L3MBTL4: variants seen among roughly 807,000 people sequenced by gnomAD.
L3MBTL4 encodes the protein lethal(3)malignant brain tumor-like protein 4.
A neutral mutation model predicts 84.5 loss-of-function variants in L3MBTL4; 70 were observed. That is an observed-to-expected ratio of 0.83 (90% CI 0.68 to 1.01). The LOEUF is 1.01. L3MBTL4 is among the 50% of genes least tolerant of loss of function. L3MBTL4 has a pLI of 0.00. For synonymous variants in L3MBTL4, 274 were observed against 259.8 expected, an observed-to-expected ratio of 1.05 and a Z score of -0.52; for missense variants, 715 against 754.8, an observed-to-expected ratio of 0.95 and a Z score of 0.62.
At chr18:6,000,193 A>T (rs193176508) in intron 16 of L3MBTL4, among the ~76,000 whole-genome samples, 141 of 152,362 alleles carry the variant, frequency 9.3e-4, no homozygotes, top group African/African-American at 3.3e-3. Context: ...TTAAATTTTT[A>T]AAATGTATCC....
intron 16 of L3MBTL4, among the ~76,000 whole-genome samples, chr18:6,079,602 T>C (rs1568081420): frequency 6.6e-6 from 1 of 152,372 alleles, no homozygotes; most frequent in East Asian, 1.9e-4. Context: ...TTACTACATT[T>C]ATGATATGAA....
At chr18:6,284,371 C>T (rs1169679800) in intron 4 of L3MBTL4, among the ~76,000 whole-genome samples, 1 of 152,174 alleles carries the variant, frequency 6.6e-6, no homozygotes, top group Non-Finnish European at 1.5e-5. Context: ...CATGTCAGAC[C>T]CACCCGGGCG....
At chr18:6,078,426 CAAAAAAAAAAAACAAAA>C (rs2057939643) in intron 16 of L3MBTL4, among the ~76,000 whole-genome samples, 2 of 34,878 alleles carry the variant, frequency 5.7e-5, no homozygotes, top group Non-Finnish European at 1.2e-4. Flanking sequence ...GAGTCCACCT[CAAAAAAAAAAAACAAAA>C]AAAAAAAAAA....
intron 13 of L3MBTL4, among the ~76,000 whole-genome samples, chr18:6,144,196 C>CAAAAAAA (rs35746580): frequency 0.014 from 824 of 57,970 alleles, 60 homozygotes; most frequent in African/African-American, 0.044. Context: ...ACTCCATCTC[C>CAAAAAAA]AAAAAAAAAA....
At chr18:6,256,349 A>G (rs879679986) in intron 5 of L3MBTL4, among the ~76,000 whole-genome samples, 1 of 152,122 alleles carries the variant, frequency 6.6e-6, no homozygotes, top group Non-Finnish European at 1.5e-5. Context: ...ATTTCAAGTA[A>G]GGAAGACAAA....
At chr18:6,228,307 G>T (rs1045757255) in intron 10 of L3MBTL4, among the ~76,000 whole-genome samples, 1 of 151,930 alleles carries the variant, frequency 6.6e-6, no homozygotes, top group South Asian at 2.1e-4. Flanking sequence ...AACTTCACTA[G>T]AATAAAAGAA....
At chr18:6,368,712 C>G (rs796595921) in intron 1 of L3MBTL4, among the ~76,000 whole-genome samples, 3 of 152,248 alleles carry the variant, frequency 2.0e-5, no homozygotes, top group African/African-American at 7.2e-5. Context: ...AAGCAACTGG[C>G]AAACAGTGCT....
In L3MBTL4 at chr18:5,975,007, G is replaced by C. The variant is rs529685468; in HGVS notation, c.1445-5445C>G. 2.2e-4 allele frequency among the ~76,000 whole-genome samples: 33 copies of C among 152,010 alleles called. No individual in the cohort carries two copies. In the South Asian group the frequency reaches 6.7e-3, roughly 31 times the overall value. The stretch of plus-strand genomic sequence containing the variant: ...TTAAAAAGAGGAAGAATATTTTTTA[G>C]AAACTAAAGGATTTAATTTTGTCTG... On this transcript the variant is annotated intron_variant, in intron 16 of 18. Coordinates refer to ENST00000317931, the MANE Select transcript of L3MBTL4 (RefSeq NM_001330559.2).
intron 16 of L3MBTL4, among the ~76,000 whole-genome samples, chr18:5,998,485 T>C (rs2054076838): frequency 6.6e-6 from 1 of 152,144 alleles, no homozygotes; most frequent in Non-Finnish European, 1.5e-5. Context: ...GTCTGCTTGC[T>C]CAGGCTGAGG....
chr18:6,191,144 T>C (rs940254250), intron 12 of L3MBTL4, among the ~76,000 whole-genome samples: 22 of 152,316 alleles, frequency 1.4e-4, no homozygotes, highest in African/African-American at 5.1e-4. Context: ...ATCTGACTTG[T>C]GTTTTACAAG....
At chr18:5,956,480 A>AC in intron 18 of L3MBTL4, 93 bp from the exon 19 acceptor site, 4 of 1,158,788 alleles carry the variant, frequency 3.5e-6, no homozygotes, top group Non-Finnish European at 5.0e-6. Flanking sequence ...GTGATGTGGA[A>AC]CCCGTCATAG....
intron 13 of L3MBTL4, among the ~76,000 whole-genome samples, chr18:6,156,540 T>C (rs1012773908): frequency 1.3e-5 from 2 of 152,028 alleles, no homozygotes; most frequent in Non-Finnish European, 2.9e-5. Context: ...TCCCCTGCCA[T>C]GGAAGGCATC....
At chr18:6,057,453 G>T (rs915989738) in intron 16 of L3MBTL4, among the ~76,000 whole-genome samples, 1 of 152,144 alleles carries the variant, frequency 6.6e-6, no homozygotes, top group South Asian at 2.1e-4. Flanking sequence ...GCAAATAAAA[G>T]AGAAAAATGT....
chr18:6,153,393 A>T lies in L3MBTL4; in HGVS notation c.1097-15097T>A, dbSNP rs142189409. Among the ~76,000 whole-genome samples the T allele has an allele frequency of 1.8e-3, 270 of 151,998 alleles. 2 individuals carry two copies. The highest frequency in any genetic ancestry group is 0.01 in the Middle Eastern group (3 of 294). The stretch of plus-strand genomic sequence containing the variant: ...ATTTTTGTCTTCTACAATTTTTTTC[A>T]ATTTCTTAAAAGTTTTCAGCAGGCA... On this transcript the variant is annotated intron_variant, in intron 13 of 18. Transcript: ENST00000317931.
chr18:6,029,948 C>T, intron 16 of L3MBTL4: 1 of 985,364 alleles, frequency 1.0e-6, no homozygotes, highest in Non-Finnish European at 1.2e-6. Flanking sequence ...CAAGCTGACA[C>T]CTACAGAAGA....
rs201693745 is a variant in L3MBTL4 at position 6,138,206 on chromosome 18, G to A, written c.1187C>T (p.Ser396Leu). The A allele has an allele frequency of 2.7e-4, 431 of 1,609,454 alleles. 4 individuals carry two copies. In the Admixed American group the frequency reaches 6.9e-3, roughly 26 times the overall value. ...GIGHIRGPRY[S>L]GHHSAFGCPY... ...AGAAAAATGTTACCTGTGATGTCCC[G>A]AATAACGTGGACCACGGATATGGCC... The change falls in exon 14 of 19, where the codon TCG becomes TTG. Residue 396 changes from serine to leucine, a missense_variant. Physicochemically the swap from Ser to Leu is moderately radical, Grantham distance 145. Transcript: ENST00000317931.
chr18:6,166,602 C>T (rs1234714757), intron 13 of L3MBTL4, among the ~76,000 whole-genome samples: 150 of 147,366 alleles, frequency 1.0e-3, no homozygotes, highest in South Asian at 1.7e-3. Context: ...AAAATGAAGG[C>T]AGAGATAAAG....
chr18:5,990,348 T>C (rs887311335), intron 16 of L3MBTL4, among the ~76,000 whole-genome samples: 1 of 152,236 alleles, frequency 6.6e-6, no homozygotes, highest in African/African-American at 2.4e-5. Flanking sequence ...AAGAAATCTA[T>C]GTCTCCTTAC....
At chr18:6,304,047 A>C (rs562823226) in intron 3 of L3MBTL4, among the ~76,000 whole-genome samples, 2 of 151,042 alleles carry the variant, frequency 1.3e-5, no homozygotes, top group East Asian at 3.9e-4. Flanking sequence ...AAAAGACTGC[A>C]CATAGTGGTA....
Sources: allele counts gnomAD v4.1 joint callset (sites outside exome capture counted in the v4.1 genomes callset), GRCh38; gene constraint gnomAD v4.1.1; transcripts MANE v1.5; gene names NCBI Gene and HGNC (gene_info 2026-07-23, HGNC 2026-07-21).